LINGO2: variants seen among roughly 807,000 people sequenced by gnomAD.
LINGO2 encodes the protein leucine rich repeat and Ig domain containing 2, also known as leucine-rich repeat and immunoglobulin-like domain-containing nogo receptor-interacting protein 2.
A neutral mutation model predicts 30.6 loss-of-function variants in LINGO2; 14 were observed. That is an observed-to-expected ratio of 0.46 (90% CI 0.30 to 0.72). LINGO2 has a LOEUF of 0.72. Ranked by LOEUF, LINGO2 falls within the 30% of genes least tolerant of loss-of-function variation. LINGO2 has a pLI of 0.07. For synonymous variants in LINGO2, 317 were observed against 288.5 expected (o/e 1.10, Z -1.00); for missense variants, 729 against 751.7 (o/e 0.97, Z 0.35).
rs1461821255 is a variant in LINGO2, at chr9:28,148,549, T to C, written c.-86-136144A>G. The stretch of plus-strand genomic sequence containing the variant: ...GCAATGGGGAAGCAGCTTCCACCTC[T>C]AGGCCCCTGGAGACTCAGGGAAACT... On this transcript the variant is annotated intron_variant, in intron 4 of 5. Transcript: ENST00000379992. This position sits in a 1 kb window ranked among gnomAD's most constrained non-coding sequence, Gnocchi z 5.1. 12 of 1,488,754 alleles carry C rather than the reference T, an allele frequency of 8.1e-6. No individual in the cohort carries two copies. Among genetic ancestry groups the C allele is most frequent in the South Asian group, 1.2e-5 (1 of 82,998 alleles). 92.2% of individuals were successfully genotyped at this position (1,488,754 alleles called of 1,614,324 possible). A position where few individuals can be genotyped will look rare whatever the true frequency, so the allele number is the denominator to read the frequency against.
chr9:29,021,971 T>C, the LINGO2 span, among the ~76,000 whole-genome samples: 15 of 152,238 alleles, frequency 9.9e-5, no homozygotes, highest in East Asian at 2.3e-3. Flanking sequence ...GAGGTTAAAA[T>C]AACATTTCTT....
the LINGO2 span, among the ~76,000 whole-genome samples, chr9:29,026,366 G>C: frequency 6.6e-6 from 1 of 152,164 alleles, no homozygotes; most frequent in Admixed American, 6.5e-5. Context: ...TTCCACATTT[G>C]TCCTAATGCC....
chr9:28,969,647 G>A, the LINGO2 span, among the ~76,000 whole-genome samples: 1 of 152,118 alleles, frequency 6.6e-6, no homozygotes, highest in African/African-American at 2.4e-5. Context: ...TTGGACCAGG[G>A]TAATGGTAGT....
rs78389589 is a variant in LINGO2 at position 27,977,406 on chromosome 9, G to A, written c.-35-26700C>T. 6.3e-3 allele frequency among the ~76,000 whole-genome samples: 956 copies of A among 151,844 alleles called. 13 individuals are homozygous for A. The highest frequency in any genetic ancestry group is 0.022 in the African/African-American group (905 of 41,436). On this transcript the variant is annotated intron_variant, in intron 5 of 5. Transcript: ENST00000379992. ...CGAAGGGCACTAAAGAGTGTGTGTC[G>A]GGGGCGGGTTGGGGGGAGCAGTCTT... is the stretch of plus-strand genomic sequence containing the variant.
chr9:28,295,890 T>C (rs1402481220), intron 3 of LINGO2, among the ~76,000 whole-genome samples: 2 of 152,190 alleles, frequency 1.3e-5, no homozygotes, highest in Non-Finnish European at 2.9e-5. Context: ...TCTAGGATAA[T>C]GTGTGAGAAA....
At chr9:29,071,580 T>C in the LINGO2 span, among the ~76,000 whole-genome samples, 15 of 149,228 alleles carry the variant, frequency 1.0e-4, no homozygotes, top group South Asian at 3.2e-3. Context: ...TGTAAAATAA[T>C]CTTAAACAGA....
chr9:28,064,680 A>AGT (rs1450226684), intron 4 of LINGO2, among the ~76,000 whole-genome samples: 1 of 152,120 alleles, frequency 6.6e-6, no homozygotes, highest in African/African-American at 2.4e-5. Flanking sequence ...TTAATACCCA[A>AGT]GTGAAACATG....
At chr9:28,464,847 A>G (rs551827985) in intron 2 of LINGO2, among the ~76,000 whole-genome samples, 3 of 152,320 alleles carry the variant, frequency 2.0e-5, no homozygotes, top group South Asian at 2.1e-4. Flanking sequence ...AATCAAAACA[A>G]AAATAGACAA....
chr9:28,606,359 G>T (rs1170551191), intron 1 of LINGO2, among the ~76,000 whole-genome samples: 2 of 151,958 alleles, frequency 1.3e-5, no homozygotes, highest in Non-Finnish European at 1.5e-5. Context: ...CTCTTTAAAT[G>T]ACTTTACTGG....
At chr9:28,307,776 T>C (rs1824430791) in intron 3 of LINGO2, among the ~76,000 whole-genome samples, 1 of 152,152 alleles carries the variant, frequency 6.6e-6, no homozygotes, top group Non-Finnish European at 1.5e-5. Context: ...AGCATTCTTA[T>C]ACACCAATAA....
At chr9:29,103,292 T>A in the LINGO2 span, among the ~76,000 whole-genome samples, 8 of 141,226 alleles carry the variant, frequency 5.7e-5, no homozygotes, top group Admixed American at 2.3e-4. Context: ...GCTAGAAAAC[T>A]TTATAAAGAA....
chr9:28,627,016 T>A (rs1256676799), intron 1 of LINGO2, among the ~76,000 whole-genome samples: 2 of 152,142 alleles, frequency 1.3e-5, no homozygotes, highest in Non-Finnish European at 2.9e-5. Flanking sequence ...GCTTTTTTTA[T>A]TTCTAGTAAT....
chr9:29,206,245 G>T, the LINGO2 span, among the ~76,000 whole-genome samples: 1 of 152,134 alleles, frequency 6.6e-6, no homozygotes, highest in African/African-American at 2.4e-5. Context: ...CATTTCTAAG[G>T]ATAAACTTCT....
the LINGO2 span, among the ~76,000 whole-genome samples, chr9:28,703,460 T>C: frequency 3.3e-5 from 5 of 151,934 alleles, no homozygotes; most frequent in African/African-American, 1.2e-4. Context: ...AATTTCACTC[T>C]GGTCTGAGAA....
At chr9:28,782,017 G>C in the LINGO2 span, among the ~76,000 whole-genome samples, 1 of 151,976 alleles carries the variant, frequency 6.6e-6, no homozygotes, top group Non-Finnish European at 1.5e-5. Context: ...TTAGTTTTTT[G>C]AATGTTGGAA....
At chr9:28,056,093 G>A (rs1824929993) in intron 4 of LINGO2, among the ~76,000 whole-genome samples, 1 of 152,158 alleles carries the variant, frequency 6.6e-6, no homozygotes, top group South Asian at 2.1e-4. Context: ...CCCGCTTTCA[G>A]TGAGCAAAGG....
At position 28,459,495 on chromosome 9, in the gene LINGO2, G is replaced by A. The variant is rs1435027978; in HGVS notation, c.-279+16445C>T. Among the ~76,000 whole-genome samples, 11 of 114,502 alleles carry A rather than the reference G, an allele frequency of 9.6e-5. No individual in the cohort carries two copies. In the Admixed American group the frequency reaches 1.1e-3, roughly 11 times the overall value. The allele number at this position is 114,502 out of a possible 152,430, so 75.1% of individuals were successfully genotyped here. A position where few individuals can be genotyped will look rare whatever the true frequency, so the allele number is the denominator to read the frequency against. ...TCAACAAACACTGAACATTTTCTAT[G>A]TGCCAGAAAAAAAAGTCTATTTTCC... On this transcript the variant is annotated intron_variant, in intron 2 of 5. Transcript: ENST00000379992.
intron 4 of LINGO2, among the ~76,000 whole-genome samples, chr9:28,054,582 C>G (rs544443636): frequency 4.6e-5 from 7 of 152,044 alleles, no homozygotes; most frequent in Non-Finnish European, 7.4e-5. Context: ...AGAAGAAAAA[C>G]TTACAACACT....
At chr9:28,083,880 C>T (rs1825838964) in intron 4 of LINGO2, among the ~76,000 whole-genome samples, 2 of 151,982 alleles carry the variant, frequency 1.3e-5, no homozygotes, top group Admixed American at 6.6e-5. Flanking sequence ...GAATAAAGAA[C>T]AGTTAAGAGG....
Sources: gnomAD v4.1 joint callset for allele counts (sites outside exome capture counted in the v4.1 genomes callset) on GRCh38, gnomAD v4.1.1 for gene constraint, Gnocchi (gnomAD v3.1) non-coding constraint, MANE v1.5 for transcripts, NCBI Gene and HGNC (gene_info 2026-07-23, HGNC 2026-07-21) for gene names.